The following FGD4 variants were observed in gnomAD, a reference collection of about 807,000 sequenced individuals.
FGD4 encodes FYVE, RhoGEF and PH domain-containing protein 4.
In FGD4, 42 loss-of-function variants were observed where a neutral mutation model predicts 102.0. That is an observed-to-expected ratio of 0.41 (90% confidence interval 0.32 to 0.53). FGD4 has a LOEUF of 0.53. FGD4 is among the 20% of genes least tolerant of loss of function. The probability of loss-of-function intolerance (pLI) is 0.21; values close to 1 mark genes in which losing one functional copy is unlikely to be tolerated. For synonymous variants in FGD4, 380 were observed against 375.7 expected (o/e 1.01, Z -0.13); for missense variants, 902 against 1,078.2 (o/e 0.84, Z 2.29).
chr12:32,399,992 C>A (rs1565717320), intron 1 of FGD4, 33 bp downstream of exon 1: 4 of 1,428,582 alleles, frequency 2.8e-6, no homozygotes, highest in Non-Finnish European at 3.6e-6. Context: ...GAAGGGTGGC[C>A]CCGGCGCGTA....
In FGD4 at chr12:32,486,123, AAG is replaced by A; in HGVS notation, c.167-78012_167-78011del. ...TCAGAAGATTGCTGGATGTTATGAAAAGAATCTTTTATGGGGGGCTGTGAGTA... is the reference window on the plus strand; with the variant it reads ...TCAGAAGATTGCTGGATGTTATGAAAAATCTTTTATGGGGGGCTGTGAGTA... On this transcript the variant is annotated intron_variant, in intron 1 of 16. Coordinates refer to ENST00000534526, the MANE Select transcript of FGD4 (RefSeq NM_001370298.3). 2.0e-6 allele frequency: 3 copies of A among 1,530,544 alleles called. No homozygotes were observed. The East Asian group carries it at 7.4e-5, about 38-fold the overall frequency. The allele number at this position is 1,530,544 out of a possible 1,614,324, so 94.8% of individuals were successfully genotyped here. A position where few individuals can be genotyped will look rare whatever the true frequency, so the allele number is the denominator to read the frequency against.
intron 1 of FGD4, among the ~76,000 whole-genome samples, chr12:32,404,471 A>G (rs1940837531): frequency 6.6e-6 from 1 of 152,082 alleles, no homozygotes; most frequent in Non-Finnish European, 1.5e-5. Context: ...CAACCCTGAA[A>G]AAATAGGTGG....
intron 1 of FGD4, among the ~76,000 whole-genome samples, chr12:32,437,871 G>A (rs12311109): frequency 0.012 from 1,887 of 152,288 alleles, 42 homozygotes; most frequent in African/African-American, 0.041. Flanking sequence ...TTGGTCTCCT[G>A]TGTTGTAGGT....
rs545423914 is a variant in FGD4, at chr12:32,420,730, C to T, written c.166+20771C>T. Among the ~76,000 whole-genome samples the T allele has an allele frequency of 1.1e-3, 162 of 152,254 alleles. 1 individual carries two copies. The highest frequency in any genetic ancestry group is 3.4e-3 in the Middle Eastern group (1 of 294). The stretch of plus-strand genomic sequence containing the variant: ...TCACCTCAATTTCTTCACCAAACTT[C>T]TTGTTTTTGCTCTGTGTCTGCCCTA... On this transcript the variant is annotated intron_variant, in intron 1 of 16. Coordinates refer to ENST00000534526, the MANE Select transcript of FGD4 (RefSeq NM_001370298.3).
intron 1 of FGD4, among the ~76,000 whole-genome samples, chr12:32,436,984 C>T (rs1245003011): frequency 1.3e-5 from 2 of 152,010 alleles, no homozygotes; most frequent in South Asian, 2.1e-4. Flanking sequence ...TGGCGGGCGC[C>T]TGTAGTCCCA....
chr12:32,525,394 T>C (rs1490611453), intron 1 of FGD4, among the ~76,000 whole-genome samples: 1 of 152,260 alleles, frequency 6.6e-6, no homozygotes, highest in Non-Finnish European at 1.5e-5. Context: ...ATATACTATA[T>C]GTAACTGGAA....
chr12:32,571,193 G>A lies in FGD4; in HGVS notation c.320-5073G>A, dbSNP rs141888423. On this transcript the variant is annotated intron_variant, in intron 2 of 16. Transcript: ENST00000534526. ...AATGTGGCTGGGCACGGTGGCTCAC[G>A]CCTGTAATCCTTGCACTTTGGGAGG... is the stretch of plus-strand genomic sequence containing the variant. Among the ~76,000 whole-genome samples the A allele has an allele frequency of 7.6e-3, 1,153 of 152,230 alleles. 10 individuals are homozygous for A. Among genetic ancestry groups the A allele is most frequent in the African/African-American group, 0.026 (1,090 of 41,532 alleles).
intron 1 of FGD4, among the ~76,000 whole-genome samples, chr12:32,412,215 TGATCCCGA>T (rs976551834): frequency 6.6e-6 from 1 of 152,258 alleles, no homozygotes; most frequent in Admixed American, 6.5e-5. Context: ...GGAAATGGAG[TGATCCCGA>T]GAGGCAGACG....
chr12:32,538,041 C>G lies in FGD4; in HGVS notation c.167-26096C>G, dbSNP rs141722322. On this transcript the variant is annotated intron_variant, in intron 1 of 16. Coordinates refer to ENST00000534526, the MANE Select transcript of FGD4 (RefSeq NM_001370298.3). Reference sequence around the variant, plus strand: ...CTCCACAGTAGCCAGGACTTACAGGCACACACCACCATGCCTGGCTACTTT... The same window carrying G: ...CTCCACAGTAGCCAGGACTTACAGGGACACACCACCATGCCTGGCTACTTT... 2.4e-3 allele frequency among the ~76,000 whole-genome samples: 361 copies of G among 152,260 alleles called. 1 individual carries two copies. Among genetic ancestry groups the G allele is most frequent in the African/African-American group, 8.3e-3 (343 of 41,556 alleles).
chr12:32,636,686 T>C (rs1216443220), intron 15 of FGD4, among the ~76,000 whole-genome samples: 2 of 137,812 alleles, frequency 1.5e-5, no homozygotes, highest in Non-Finnish European at 3.1e-5. Flanking sequence ...CTACTTTGTG[T>C]GCTTACCAGA....
At chr12:32,636,533 C>CAAA (rs1259732254) in intron 15 of FGD4, among the ~76,000 whole-genome samples, 1 of 121,834 alleles carries the variant, frequency 8.2e-6, no homozygotes, top group African/African-American at 3.0e-5. Flanking sequence ...AACTCCGTCT[C>CAAA]AAAAAAAAAA....
chr12:32,503,741 A>G (rs1407040644), intron 1 of FGD4, among the ~76,000 whole-genome samples: 3 of 152,240 alleles, frequency 2.0e-5, no homozygotes. Context: ...TTTCAAGCCA[A>G]TGTAATAGTA....
At chr12:32,535,269 C>A (rs1217162812) in intron 1 of FGD4, among the ~76,000 whole-genome samples, 3 of 152,186 alleles carry the variant, frequency 2.0e-5, no homozygotes, top group Non-Finnish European at 4.4e-5. Flanking sequence ...GTCCACACTG[C>A]TGAACAAGAT....
intron 1 of FGD4, among the ~76,000 whole-genome samples, chr12:32,524,061 GATA>G (rs1157073873): frequency 6.6e-6 from 1 of 151,778 alleles, no homozygotes; most frequent in Non-Finnish European, 1.5e-5. Flanking sequence ...TAATAGTAAA[GATA>G]ATAATAGTTA....
At chr12:32,623,294 C>T (rs936438072) in intron 11 of FGD4, among the ~76,000 whole-genome samples, 5 of 152,100 alleles carry the variant, frequency 3.3e-5, no homozygotes, top group African/African-American at 1.2e-4. Flanking sequence ...GATAACTGTG[C>T]TTCCAGGGCA....
At chr12:32,456,223 C>A (rs901318475) in intron 1 of FGD4, among the ~76,000 whole-genome samples, 1 of 152,052 alleles carries the variant, frequency 6.6e-6, no homozygotes, top group Non-Finnish European at 1.5e-5. Flanking sequence ...TCAGGAGATA[C>A]CTTGTGCCCA....
At chr12:32,603,705 TA>T (rs1156290738) in intron 7 of FGD4, among the ~76,000 whole-genome samples, 3 of 150,170 alleles carry the variant, frequency 2.0e-5, no homozygotes, top group Admixed American at 6.6e-5. Context: ...TAATGTTTAT[TA>T]TTTTTTTTTT....
At chr12:32,525,893 C>T (rs1395273138) in intron 1 of FGD4, among the ~76,000 whole-genome samples, 21 of 152,256 alleles carry the variant, frequency 1.4e-4, no homozygotes. Flanking sequence ...TCTCACCGGG[C>T]CTTAGCTGCC....
At position 32,495,965 on chromosome 12, in the gene FGD4, C is replaced by G. The variant is rs1937790824; in HGVS notation, c.167-68172C>G. On this transcript the variant is annotated intron_variant, in intron 1 of 16. Coordinates refer to ENST00000534526, the MANE Select transcript of FGD4 (RefSeq NM_001370298.3). ...CTTGCCCACAAACCTTGGCCACCCT[C>G]TCTTTTTAATACTTTATTCTTTCTG... Among the ~76,000 whole-genome samples, 3 of 152,252 alleles carry G rather than the reference C, an allele frequency of 2.0e-5. No individual in the cohort carries two copies. The South Asian group carries it at 6.2e-4, about 32-fold the overall frequency.
Sources: gnomAD v4.1 joint callset for allele counts (sites outside exome capture counted in the v4.1 genomes callset) on GRCh38, gnomAD v4.1.1 for gene constraint, MANE v1.5 for transcripts, NCBI Gene and HGNC (gene_info 2026-07-23, HGNC 2026-07-21) for gene names.